The following ZNF609 variants were observed in gnomAD, a reference collection of about 807,000 sequenced individuals.
ZNF609 encodes the protein zinc finger protein 609.
ZNF609 carries 11 observed loss-of-function variants against 109.5 expected under a neutral mutation model. The observed-to-expected ratio is 0.10, with a 90% CI of 0.06 to 0.17. ZNF609 has a LOEUF of 0.17. ZNF609 is among the 10% of genes least tolerant of loss of function. The pLI is 1.00. For missense variants in ZNF609, 1,559 were observed against 1,772.4 expected (o/e 0.88, Z 2.16); for synonymous variants, 646 against 662.0 (o/e 0.98, Z 0.37).
At chr15:64,588,999 G>A (rs1220818394) in intron 2 of ZNF609, among the ~76,000 whole-genome samples, 1 of 152,080 alleles carries the variant, frequency 6.6e-6, no homozygotes, top group Non-Finnish European at 1.5e-5. Flanking sequence ...CCCAAATAGG[G>A]GAGATGGTTT....
intron 3 of ZNF609, among the ~76,000 whole-genome samples, chr15:64,644,020 C>A (rs1394922203): frequency 6.6e-6 from 1 of 152,052 alleles, no homozygotes; most frequent in African/African-American, 2.4e-5. Context: ...GGGAGGATCA[C>A]TTGAGCCCAG....
chr15:64,486,066 C>A (rs1893328475), intron 1 of ZNF609, among the ~76,000 whole-genome samples: 1 of 152,140 alleles, frequency 6.6e-6, no homozygotes, highest in African/African-American at 2.4e-5. Context: ...CTCATGTTGT[C>A]CTTTTATAGC....
Position 64,641,219 on chromosome 15 carries a change from C to CTTTTTTTTTTTTTTTTT in ZNF609, c.973+18182_973+18183insTTTTTTTTTTTTTTTTT, listed in dbSNP as rs34007985. ...TGGGTGTTAGTTACACTTGTGCTTT[C>CTTTTTTTTTTTTTTTTT]TTTTTTTTTTTTTTTGAGATGGAGT... is the stretch of plus-strand genomic sequence containing the variant. On this transcript the variant is annotated intron_variant, in intron 3 of 9. Coordinates refer to ENST00000326648, the MANE Select transcript of ZNF609 (RefSeq NM_015042.2). Among the ~76,000 whole-genome samples, 212 of 69,686 alleles carry CTTTTTTTTTTTTTTTTT rather than the reference C, an allele frequency of 3.0e-3. 36 individuals are homozygous for CTTTTTTTTTTTTTTTTT. Among genetic ancestry groups the CTTTTTTTTTTTTTTTTT allele is most frequent in the African/African-American group, 0.01 (191 of 18,834 alleles). The allele number at this position is 69,686 out of a possible 152,430, so 45.7% of individuals were successfully genotyped here. A position where few individuals can be genotyped will look rare whatever the true frequency, so the allele number is the denominator to read the frequency against.
intron 2 of ZNF609, among the ~76,000 whole-genome samples, chr15:64,545,599 GT>G (rs1894345570): frequency 6.6e-6 from 1 of 152,158 alleles, no homozygotes; most frequent in Non-Finnish European, 1.5e-5. Context: ...GGATGCATCT[GT>G]TTAACCACCC....
At chr15:64,522,620 G>C (rs1893908438) in intron 2 of ZNF609, among the ~76,000 whole-genome samples, 1 of 152,172 alleles carries the variant, frequency 6.6e-6, no homozygotes, top group South Asian at 2.1e-4. Context: ...TGATGGTGGT[G>C]AGTATGTAGG....
At chr15:64,597,476 C>G (rs1038173727) in intron 2 of ZNF609, among the ~76,000 whole-genome samples, 14 of 152,136 alleles carry the variant, frequency 9.2e-5, no homozygotes, top group Admixed American at 3.3e-4. Flanking sequence ...GGGTGGGAAC[C>G]ATAATCCCTT....
At chr15:64,600,497 G>A (rs1305689318) in intron 2 of ZNF609, among the ~76,000 whole-genome samples, 2 of 150,444 alleles carry the variant, frequency 1.3e-5, no homozygotes, top group African/African-American at 4.9e-5. Context: ...TTAGCCAGGT[G>A]TGGTGGCAGC....
chr15:64,560,553 C>G (rs991506446), intron 2 of ZNF609, among the ~76,000 whole-genome samples: 6 of 152,140 alleles, frequency 3.9e-5, no homozygotes, highest in Non-Finnish European at 5.9e-5. Flanking sequence ...GACCGCTCTT[C>G]CCAACAAGAT....
At chr15:64,567,037 G>A (rs566225608) in intron 2 of ZNF609, among the ~76,000 whole-genome samples, 3 of 152,232 alleles carry the variant, frequency 2.0e-5, no homozygotes, top group Admixed American at 1.3e-4. Context: ...TATGAGTTTC[G>A]CCTATTAGGC....
intron 3 of ZNF609, among the ~76,000 whole-genome samples, chr15:64,665,410 C>T (rs1228055472): frequency 2.6e-5 from 4 of 152,062 alleles, no homozygotes; most frequent in African/African-American, 9.7e-5. Flanking sequence ...CTTAACAATC[C>T]TTATATGACA....
chr15:64,598,984 G>A (rs1199917395), intron 2 of ZNF609, among the ~76,000 whole-genome samples: 2 of 150,002 alleles, frequency 1.3e-5, no homozygotes, highest in African/African-American at 2.4e-5. Context: ...CAAATAGATG[G>A]GAAATATACT....
intron 6 of ZNF609, 24 bp from the exon 7 acceptor site, chr15:64,680,161 A>G (rs1380202843): frequency 6.2e-7 from 1 of 1,612,382 alleles, no homozygotes; most frequent in Non-Finnish European, 8.5e-7. Flanking sequence ...CATCTCTTTG[A>G]CTGTTTGATT....
At chr15:64,590,999 A>C (rs1037040336) in intron 2 of ZNF609, among the ~76,000 whole-genome samples, 9 of 152,182 alleles carry the variant, frequency 5.9e-5, no homozygotes, top group African/African-American at 1.9e-4. Flanking sequence ...GTTTTCTTTA[A>C]GTTCCAGAAA....
At chr15:64,555,135 T>A (rs1440521054) in intron 2 of ZNF609, among the ~76,000 whole-genome samples, 1 of 147,280 alleles carries the variant, frequency 6.8e-6, no homozygotes, top group African/African-American at 2.5e-5. Context: ...GAGACCAAGG[T>A]GGGAGGATCG....
chr15:64,649,519 G>C (rs1444532057), intron 3 of ZNF609, among the ~76,000 whole-genome samples: 2 of 152,178 alleles, frequency 1.3e-5, no homozygotes. Context: ...AAGTAGCTGA[G>C]GAGTTCCTAT....
intron 2 of ZNF609, among the ~76,000 whole-genome samples, chr15:64,537,209 T>G (rs1237479637): frequency 5.5e-5 from 7 of 127,062 alleles, no homozygotes; most frequent in Non-Finnish European, 1.1e-4. Context: ...GGTAACAGAG[T>G]GAGACTCGCT....
intron 3 of ZNF609, among the ~76,000 whole-genome samples, chr15:64,648,027 C>T (rs903358126): frequency 5.3e-5 from 8 of 152,158 alleles, no homozygotes; most frequent in Non-Finnish European, 1.0e-4. Context: ...AAATCAATAA[C>T]CTGCTTCTCA....
At chr15:64,540,062 C>T (rs889267128) in intron 2 of ZNF609, among the ~76,000 whole-genome samples, 7 of 152,246 alleles carry the variant, frequency 4.6e-5, no homozygotes, top group South Asian at 2.1e-4. Context: ...TGTGAACCAG[C>T]TTACCTGGCC....
rs905718701 is a variant in ZNF609, at chr15:64,637,991, G to A, written c.973+14939G>A. Among the ~76,000 whole-genome samples, 41 of 49,364 alleles carry A rather than the reference G, an allele frequency of 8.3e-4. 1 individual carries two copies. Among genetic ancestry groups the A allele is most frequent in the African/African-American group, 1.9e-3 (41 of 21,258 alleles). 32.4% of individuals were successfully genotyped at this position (49,364 alleles called of 152,430 possible). ...CTTCTATGTTTTTTCTGAGAACCTT[G>A]TTTTATATATATATATATATATATA... On this transcript the variant is annotated intron_variant, in intron 3 of 9. Coordinates refer to ENST00000326648, the MANE Select transcript of ZNF609 (RefSeq NM_015042.2).
Sources: allele counts gnomAD v4.1 joint callset (sites outside exome capture counted in the v4.1 genomes callset), GRCh38; gene constraint gnomAD v4.1.1; transcripts MANE v1.5; gene names NCBI Gene and HGNC (gene_info 2026-07-23, HGNC 2026-07-21).